FBXL7: variants seen among roughly 807,000 people sequenced by gnomAD.
The protein encoded by FBXL7 is F-box and leucine rich repeat protein 7.
In FBXL7, 12 loss-of-function variants were observed where a neutral mutation model predicts 38.3. The observed-to-expected ratio is 0.31, with a 90% CI of 0.20 to 0.51. The LOEUF (loss-of-function observed/expected upper bound fraction) is 0.51, where lower values mean the gene tolerates loss of function less well. Ranked by LOEUF, FBXL7 falls within the 20% of genes least tolerant of loss-of-function variation. The pLI is 0.98. For missense variants in FBXL7, 567 were observed against 676.4 expected (o/e 0.84, Z 1.79); for synonymous variants, 297 against 300.9 (o/e 0.99, Z 0.13).
At chr5:15,844,387 A>T (rs1738835963) in intron 2 of FBXL7, among the ~76,000 whole-genome samples, 3 of 152,130 alleles carry the variant, frequency 2.0e-5, no homozygotes, top group Admixed American at 2.0e-4. Context: ...GTGGCTCCAA[A>T]TACACAGCAG....
chr5:15,912,408 G>T (rs1289034762), intron 2 of FBXL7, among the ~76,000 whole-genome samples: 1 of 142,676 alleles, frequency 7.0e-6, no homozygotes, highest in African/African-American at 2.7e-5. Flanking sequence ...ACACACACTG[G>T]CCTGCGCCCA....
At chr5:15,660,654 G>A (rs370981366) in intron 2 of FBXL7, among the ~76,000 whole-genome samples, 1 of 152,136 alleles carries the variant, frequency 6.6e-6, no homozygotes, top group African/African-American at 2.4e-5. Flanking sequence ...CACCGTGCCT[G>A]GCCCATTGTA....
intron 2 of FBXL7, among the ~76,000 whole-genome samples, chr5:15,884,749 G>A (rs1368729510): frequency 1.3e-5 from 2 of 152,126 alleles, no homozygotes; most frequent in Non-Finnish European, 2.9e-5. Context: ...ATTTCACTGG[G>A]AAAATTTTTA....
chr5:15,904,439 T>C (rs1007012032), intron 2 of FBXL7, among the ~76,000 whole-genome samples: 1 of 152,216 alleles, frequency 6.6e-6, no homozygotes, highest in Non-Finnish European at 1.5e-5. Context: ...CAGAGATTCC[T>C]TGCTATGATT....
chr5:15,790,409 C>T (rs1365891889), intron 2 of FBXL7, among the ~76,000 whole-genome samples: 6 of 152,024 alleles, frequency 3.9e-5, no homozygotes, highest in East Asian at 1.9e-4. Context: ...GTAGAGTTGT[C>T]GTGAGCTTTA....
At position 15,649,881 on chromosome 5, in the gene FBXL7, A is replaced by AAG. The variant is rs529771931; in HGVS notation, c.127+33810_127+33811dup. 3.9e-5 allele frequency among the ~76,000 whole-genome samples: 6 copies of AAG among 152,322 alleles called. No homozygotes were observed. The South Asian group carries it at 1.2e-3, about 32-fold the overall frequency. The stretch of plus-strand genomic sequence containing the variant: ...CTTTGACACCAAATGGCTGGGTAAA[A>AAG]AGTGATAAATCATCCACTTCAGGTG... On this transcript the variant is annotated intron_variant, in intron 2 of 3. Transcript: ENST00000504595.
At chr5:15,652,027 T>C (rs1409260682) in intron 2 of FBXL7, among the ~76,000 whole-genome samples, 1 of 152,240 alleles carries the variant, frequency 6.6e-6, no homozygotes. Context: ...CCTTAAACTT[T>C]ATGATCCAAC....
chr5:15,653,941 C>T (rs2126574071), intron 2 of FBXL7, among the ~76,000 whole-genome samples: 1 of 152,248 alleles, frequency 6.6e-6, no homozygotes, highest in East Asian at 1.9e-4. Flanking sequence ...TATTTATTTA[C>T]AGAAACTTTC....
At chr5:15,693,748 G>A (rs1342046615) in intron 2 of FBXL7, among the ~76,000 whole-genome samples, 4 of 152,152 alleles carry the variant, frequency 2.6e-5, no homozygotes, top group African/African-American at 9.7e-5. Context: ...GTGGAACGAC[G>A]CAGATGCTGA....
chr5:15,575,133 A>T (rs1277261650), intron 1 of FBXL7, among the ~76,000 whole-genome samples: 2 of 152,156 alleles, frequency 1.3e-5, no homozygotes, highest in Non-Finnish European at 2.9e-5. Flanking sequence ...TCCACAACAA[A>T]GAATCATCCG....
intron 2 of FBXL7, among the ~76,000 whole-genome samples, chr5:15,663,394 TG>T: frequency 6.6e-6 from 1 of 152,210 alleles, no homozygotes; most frequent in Non-Finnish European, 1.5e-5. Context: ...GAAGAAGCTT[TG>T]GGGCAAGTTT....
intron 2 of FBXL7, among the ~76,000 whole-genome samples, chr5:15,654,820 T>C (rs1741823055): frequency 6.6e-6 from 1 of 152,208 alleles, no homozygotes; most frequent in South Asian, 2.1e-4. Context: ...AAAAAATTCA[T>C]GTAATAGGAT....
intron 2 of FBXL7, among the ~76,000 whole-genome samples, chr5:15,804,228 G>A (rs1579477232): frequency 6.6e-6 from 1 of 152,098 alleles, no homozygotes; most frequent in South Asian, 2.1e-4. Context: ...AACACTTTGG[G>A]AGGCCCAAGA....
chr5:15,684,903 T>A (rs1034202998), intron 2 of FBXL7, among the ~76,000 whole-genome samples: 2 of 152,198 alleles, frequency 1.3e-5, no homozygotes, highest in East Asian at 3.9e-4. Flanking sequence ...AATGGTACCA[T>A]GTAATGTCAA....
chr5:15,807,230 C>A (rs1737737989), intron 2 of FBXL7, among the ~76,000 whole-genome samples: 1 of 152,172 alleles, frequency 6.6e-6, no homozygotes, highest in South Asian at 2.1e-4. Flanking sequence ...GTGTGAGCCA[C>A]CATGACTGGC....
intron 2 of FBXL7, among the ~76,000 whole-genome samples, chr5:15,643,873 CAG>C (rs1454340866): frequency 5.9e-5 from 9 of 152,150 alleles, no homozygotes; most frequent in African/African-American, 1.4e-4. Flanking sequence ...CAAACAGAAA[CAG>C]GGAGAAATTG....
At chr5:15,589,473 G>C (rs748404644) in intron 1 of FBXL7, among the ~76,000 whole-genome samples, 27 of 152,078 alleles carry the variant, frequency 1.8e-4, no homozygotes, top group Admixed American at 3.9e-4. Flanking sequence ...GGCCGTGATT[G>C]TAAGTTTCCC....
At chr5:15,777,549 G>A (rs1235218474) in intron 2 of FBXL7, among the ~76,000 whole-genome samples, 4 of 151,746 alleles carry the variant, frequency 2.6e-5, no homozygotes, top group African/African-American at 9.7e-5. Context: ...CCTGTTATGA[G>A]ATTGTCAGAC....
intron 2 of FBXL7, among the ~76,000 whole-genome samples, chr5:15,670,899 T>C (rs181091035): frequency 3.3e-5 from 5 of 152,262 alleles, no homozygotes. Flanking sequence ...CTTTCCTCAC[T>C]ATCTAGTTCT....
Sources: allele counts gnomAD v4.1 joint callset (sites outside exome capture counted in the v4.1 genomes callset), GRCh38; gene constraint gnomAD v4.1.1; transcripts MANE v1.5; gene names NCBI Gene and HGNC (gene_info 2026-07-23, HGNC 2026-07-21).